The following MECOM variants were observed in gnomAD, a reference collection of about 807,000 sequenced individuals.
The protein encoded by MECOM is MDS1 and EVI1 complex locus.
A neutral mutation model predicts 116.3 loss-of-function variants in MECOM; 13 were observed. The observed-to-expected ratio is 0.11, with a 90% CI of 0.07 to 0.18. The LOEUF is 0.18. Ranked by LOEUF, MECOM falls within the 10% of genes least tolerant of loss-of-function variation. The pLI, the probability that MECOM is intolerant of heterozygous loss-of-function variation, is 1.00. For missense variants in MECOM, 1,299 were observed against 1,509.0 expected (o/e 0.86, Z 2.31); for synonymous variants, 528 against 535.2 (o/e 0.99, Z 0.19).
At chr3:169,248,688 A>G (rs1256358036) in intron 2 of MECOM, among the ~76,000 whole-genome samples, 1 of 152,180 alleles carries the variant, frequency 6.6e-6, no homozygotes, top group African/African-American at 2.4e-5. Flanking sequence ...ATGAGCTGTT[A>G]TCGTGGGCCA....
rs1437924277 is a variant in MECOM, at chr3:169,381,512, A to T, written c.50T>A (p.Val17Glu). 1 of 1,603,922 alleles carries T rather than the reference A, an allele frequency of 6.2e-7. No homozygotes were observed. Among genetic ancestry groups the T allele is most frequent in the African/African-American group, 1.3e-5 (1 of 74,706 alleles). The change falls in exon 2 of 17, where the codon GTA becomes GAA. Residue 17 changes from valine (V) to glutamate (E), a missense_variant. By Grantham distance (121) the Val-to-Glu change is moderately radical. This residue lies in a region of MECOM where 374 missense variants were observed against 433.4 expected (regional missense o/e 0.86). Coordinates refer to ENST00000651503, the MANE Select transcript of MECOM (RefSeq NM_004991.4). ...ARKLATNNEC[V>E]YGNYPEIPLE... ...AGGTATTTCAGGGTAGTTGCCATAT[A>T]CACACTCATTATCTGTGAATAAATA...
chr3:169,157,304 C>T (rs991748868), intron 2 of MECOM, among the ~76,000 whole-genome samples: 3 of 152,122 alleles, frequency 2.0e-5, no homozygotes, highest in Non-Finnish European at 4.4e-5. Context: ...TCTGTTACAG[C>T]GTTAAGAAAC....
intron 7 of MECOM, among the ~76,000 whole-genome samples, chr3:169,119,509 A>G (rs1730279385): frequency 6.6e-6 from 1 of 152,232 alleles, no homozygotes; most frequent in Admixed American, 6.5e-5. Flanking sequence ...TTAAAATTCC[A>G]GATCCCAGAA....
chr3:169,241,822 G>A (rs1754851263), intron 2 of MECOM, among the ~76,000 whole-genome samples: 1 of 152,138 alleles, frequency 6.6e-6, no homozygotes. Context: ...AATCAAGTCA[G>A]GACATTTTTA....
intron 7 of MECOM, among the ~76,000 whole-genome samples, chr3:169,119,975 G>A (rs1411011884): frequency 2.6e-5 from 4 of 152,128 alleles, no homozygotes; most frequent in South Asian, 2.1e-4. Context: ...AAGCTGTGTC[G>A]AGGCAAAGGA....
At chr3:169,411,059 G>C (rs749703118) in intron 1 of MECOM, among the ~76,000 whole-genome samples, 2 of 151,972 alleles carry the variant, frequency 1.3e-5, no homozygotes, top group Non-Finnish European at 2.9e-5. Context: ...CATATACATA[G>C]GTTTGTGTGT....
intron 1 of MECOM, among the ~76,000 whole-genome samples, chr3:169,435,575 T>G (rs571941406): frequency 6.6e-6 from 1 of 152,268 alleles, no homozygotes; most frequent in South Asian, 2.1e-4. Context: ...GAGAGTCACA[T>G]CAAACTAAGA....
chr3:169,368,222 T>C lies in MECOM; in HGVS notation c.375+12965A>G, dbSNP rs559427607. 2.0e-5 allele frequency among the ~76,000 whole-genome samples: 3 copies of C among 152,148 alleles called. No homozygotes were observed. In the South Asian group the frequency reaches 6.2e-4, roughly 32 times the overall value. ...CACAATATTTTACCAATCTTCAGTT[T>C]CGGTTACATCATGAAAGACCAAAAG... On this transcript the variant is annotated intron_variant, in intron 2 of 16. Coordinates refer to ENST00000651503, the MANE Select transcript of MECOM (RefSeq NM_004991.4).
intron 1 of MECOM, among the ~76,000 whole-genome samples, chr3:169,465,673 A>G (rs1578175274): frequency 6.6e-6 from 1 of 152,162 alleles, no homozygotes; most frequent in East Asian, 1.9e-4. Flanking sequence ...CTTGGTGTAG[A>G]TTAATTTATC....
chr3:169,518,132 G>A (rs536299341), intron 1 of MECOM, among the ~76,000 whole-genome samples: 80 of 152,178 alleles, frequency 5.3e-4, no homozygotes, highest in African/African-American at 1.9e-3. Flanking sequence ...GATGGCAGGC[G>A]CCTGTGGTTC....
At chr3:169,341,352 G>C (rs1042739831) in intron 2 of MECOM, among the ~76,000 whole-genome samples, 18 of 147,942 alleles carry the variant, frequency 1.2e-4, no homozygotes, top group Admixed American at 4.8e-4. Flanking sequence ...CAAAACAATT[G>C]AACTCATGGA....
chr3:169,436,826 T>C (rs1742745309), intron 1 of MECOM, among the ~76,000 whole-genome samples: 2 of 152,148 alleles, frequency 1.3e-5, no homozygotes, highest in African/African-American at 4.8e-5. Flanking sequence ...TTTGGAAATT[T>C]TTTATTCTCA....
intron 2 of MECOM, among the ~76,000 whole-genome samples, chr3:169,370,299 T>A (rs1234949062): frequency 2.0e-5 from 3 of 151,954 alleles, no homozygotes; most frequent in Non-Finnish European, 4.4e-5. Context: ...TAAATGGTGC[T>A]GAGAAAACTG....
intron 2 of MECOM, among the ~76,000 whole-genome samples, chr3:169,249,043 C>T (rs1755933008): frequency 6.6e-6 from 1 of 152,184 alleles, no homozygotes; most frequent in African/African-American, 2.4e-5. Flanking sequence ...AATGCCCTAC[C>T]TTCCAGCATA....
chr3:169,202,594 T>C (rs956366613), intron 2 of MECOM, among the ~76,000 whole-genome samples: 8 of 152,080 alleles, frequency 5.3e-5, no homozygotes, highest in African/African-American at 1.9e-4. Flanking sequence ...CATAATACTC[T>C]GTATCCCTGA....
At chr3:169,581,297 G>A (rs918507028) in intron 1 of MECOM, among the ~76,000 whole-genome samples, 6 of 151,896 alleles carry the variant, frequency 4.0e-5, no homozygotes, top group African/African-American at 1.5e-4. Context: ...CACTATTATC[G>A]ATAAGTTCTT....
intron 1 of MECOM, among the ~76,000 whole-genome samples, chr3:169,456,777 CCAT>C (rs1012942795): frequency 4.6e-5 from 7 of 152,154 alleles, no homozygotes; most frequent in Non-Finnish European, 8.8e-5. Flanking sequence ...CCTGTACCCA[CCAT>C]AATACTACGC....
At chr3:169,308,199 G>A (rs368685782) in intron 2 of MECOM, among the ~76,000 whole-genome samples, 136 of 152,266 alleles carry the variant, frequency 8.9e-4, no homozygotes, top group African/African-American at 3.2e-3. Context: ...AGGAGAGCAA[G>A]TGCTGGGCCT....
chr3:169,439,427 A>G lies in MECOM; in HGVS notation c.38-57903T>C, dbSNP rs186609218. On this transcript the variant is annotated intron_variant, in intron 1 of 16. Transcript: ENST00000651503. ...TAGTATCCAGAATACTTCTAAAATA[A>G]ATAAGACTAAAACAAAAACTCAATG... is the stretch of plus-strand genomic sequence containing the variant. 1.6e-3 allele frequency among the ~76,000 whole-genome samples: 249 copies of G among 151,472 alleles called. 4 individuals carry two copies. The highest frequency in any genetic ancestry group is 5.2e-3 in the African/African-American group (215 of 41,416).
Sources: gnomAD v4.1 joint callset for allele counts (sites outside exome capture counted in the v4.1 genomes callset) on GRCh38, gnomAD v4.1.1 for gene constraint, gnomAD v4.1.1 regional missense constraint, MANE v1.5 for transcripts, NCBI Gene and HGNC (gene_info 2026-07-23, HGNC 2026-07-21) for gene names.